TP63: variants seen among roughly 807,000 people sequenced by gnomAD.
The protein encoded by TP63 is tumor protein p63.
Under a neutral mutation model 82.8 loss-of-function variants are expected in TP63, and 17 were observed. The observed-to-expected ratio is 0.21, with a 90% confidence interval of 0.14 to 0.31. The LOEUF is 0.31. TP63 is among the 10% of genes least tolerant of loss of function. The pLI is 1.00. For synonymous variants in TP63, 330 were observed against 321.7 expected (o/e 1.03, Z -0.28); for missense variants, 648 against 895.3 (o/e 0.72, Z 3.52).
intron 1 of TP63, among the ~76,000 whole-genome samples, chr3:189,642,938 C>T (rs1272789953): frequency 6.6e-6 from 1 of 151,792 alleles, no homozygotes; most frequent in Non-Finnish European, 1.5e-5. Context: ...AATATATTTC[C>T]AAGTATCACT....
rs2108872844 is a variant in TP63 at position 189,894,202 on chromosome 3, A to T, written c.1747-4A>T. 6.2e-7 allele frequency: 1 copy of T among 1,614,042 alleles called. No homozygotes were observed. Among genetic ancestry groups the T allele is most frequent in the Non-Finnish European group, 8.5e-7 (1 of 1,179,990 alleles). Reference sequence around the variant, plus strand: ...TCTCCATGACACCTTCCCCTGTTGCACAGGATCTGGCAAGTCTGAAAATCC... The same window carrying T: ...TCTCCATGACACCTTCCCCTGTTGCTCAGGATCTGGCAAGTCTGAAAATCC... On this transcript the variant is annotated splice_region_variant and splice_polypyrimidine_tract_variant and intron_variant, in intron 13 of 13. Coordinates refer to ENST00000264731, the MANE Select transcript of TP63 (RefSeq NM_003722.5).
At chr3:189,875,611 T>TATATATATATATACACACAC (rs1553859673) in intron 10 of TP63, among the ~76,000 whole-genome samples, 21 of 77,040 alleles carry the variant, frequency 2.7e-4, no homozygotes, top group Non-Finnish European at 4.7e-4. Flanking sequence ...TATATATATA[T>TATATATATATATACACACAC]ATATATATAT....
chr3:189,786,472 CACACACACACGCAT>C (rs1724610291), intron 3 of TP63, among the ~76,000 whole-genome samples: 1 of 151,682 alleles, frequency 6.6e-6, no homozygotes, highest in Non-Finnish European at 1.5e-5. Context: ...CACACACACA[CACACACACACGCAT>C]GCACAAATAC....
At chr3:189,740,505 T>G (rs1720902944) in intron 3 of TP63, among the ~76,000 whole-genome samples, 1 of 152,038 alleles carries the variant, frequency 6.6e-6, no homozygotes, top group Admixed American at 6.5e-5. Flanking sequence ...GTTTTTTGAT[T>G]TTTGTTTTTT....
intron 1 of TP63, among the ~76,000 whole-genome samples, chr3:189,632,494 G>A (rs1433391411): frequency 6.6e-6 from 1 of 152,084 alleles, no homozygotes; most frequent in Non-Finnish European, 1.5e-5. Context: ...TTCCTTTAAC[G>A]TGATTTGCTA....
At chr3:189,615,664 TCC>T in the TP63 span, among the ~76,000 whole-genome samples, 1 of 152,168 alleles carries the variant, frequency 6.6e-6, no homozygotes, top group Non-Finnish European at 1.5e-5. Context: ...ATCTCCCCAT[TCC>T]TTTTATTCTA....
At chr3:189,728,283 G>A (rs1459431836) in intron 1 of TP63, among the ~76,000 whole-genome samples, 1 of 152,122 alleles carries the variant, frequency 6.6e-6, no homozygotes, top group Non-Finnish European at 1.5e-5. Context: ...TTTTTTAAGT[G>A]TCAGTATCTT....
intron 4 of TP63, among the ~76,000 whole-genome samples, chr3:189,810,751 G>A (rs1057493253): frequency 6.6e-6 from 1 of 151,234 alleles, no homozygotes; most frequent in Admixed American, 6.6e-5. Context: ...AGCTACTGGG[G>A]AGACTGAGAA....
intron 1 of TP63, among the ~76,000 whole-genome samples, chr3:189,642,226 T>C (rs536816154): frequency 6.6e-6 from 1 of 152,188 alleles, no homozygotes; most frequent in African/African-American, 2.4e-5. Context: ...AACTAGGACT[T>C]CCGTATTAAC....
At chr3:189,791,086 A>C (rs1725091045) in intron 3 of TP63, among the ~76,000 whole-genome samples, 1 of 152,150 alleles carries the variant, frequency 6.6e-6, no homozygotes, top group Non-Finnish European at 1.5e-5. Flanking sequence ...AGTTAGCTTA[A>C]AATGTTACCA....
chr3:189,770,275 A>T (rs1576915403), intron 3 of TP63, among the ~76,000 whole-genome samples: 1 of 152,192 alleles, frequency 6.6e-6, no homozygotes, highest in South Asian at 2.1e-4. Context: ...GAATGTGTAA[A>T]TATTAAATTA....
chr3:189,834,731 CAG>C (rs113013507), intron 4 of TP63, among the ~76,000 whole-genome samples: 7,001 of 152,230 alleles, frequency 0.046, 195 homozygotes, highest in Non-Finnish European at 0.062. Flanking sequence ...GTGCTCTAGA[CAG>C]AGCAAGCACA....
At chr3:189,828,316 G>A (rs1373547197) in intron 4 of TP63, among the ~76,000 whole-genome samples, 8 of 151,874 alleles carry the variant, frequency 5.3e-5, no homozygotes, top group Admixed American at 2.0e-4. Context: ...GGTGAGTGTG[G>A]GGTTTGGGGT....
intron 3 of TP63, among the ~76,000 whole-genome samples, chr3:189,769,197 A>G (rs1723161204): frequency 1.3e-5 from 2 of 152,168 alleles, no homozygotes; most frequent in Admixed American, 1.3e-4. Flanking sequence ...CTGTTTATGC[A>G]TATATGTATT....
At chr3:189,713,453 G>A (rs1175567605) in intron 1 of TP63, among the ~76,000 whole-genome samples, 1 of 152,072 alleles carries the variant, frequency 6.6e-6, no homozygotes, top group Non-Finnish European at 1.5e-5. Context: ...CTTTTCATTT[G>A]AAACGAGTTC....
chr3:189,860,124 C>T (rs1478525873), intron 4 of TP63, among the ~76,000 whole-genome samples: 1 of 151,842 alleles, frequency 6.6e-6, no homozygotes, highest in African/African-American at 2.4e-5. Flanking sequence ...AAAAGTATAC[C>T]ACATAAAACA....
At chr3:189,879,058 C>G (rs1719609514) in intron 10 of TP63, among the ~76,000 whole-genome samples, 1 of 152,168 alleles carries the variant, frequency 6.6e-6, no homozygotes, top group African/African-American at 2.4e-5. Context: ...TGTAACTTCT[C>G]TCACCTCATT....
chr3:189,814,888 T>C (rs1275491793), intron 4 of TP63, among the ~76,000 whole-genome samples: 1 of 152,210 alleles, frequency 6.6e-6, no homozygotes. Flanking sequence ...CACTGCACCG[T>C]GGAGTGTCTA....
At chr3:189,684,787 A>C (rs2378512) in intron 1 of TP63, among the ~76,000 whole-genome samples, 150,360 of 152,058 alleles carry the variant, frequency 0.99, 74,363 homozygotes, top group Middle Eastern at 1. Context: ...TACGTTACCA[A>C]GCCCAGCTAA....
Sources: gnomAD v4.1 joint callset for allele counts (sites outside exome capture counted in the v4.1 genomes callset) on GRCh38, gnomAD v4.1.1 for gene constraint, MANE v1.5 for transcripts, NCBI Gene and HGNC (gene_info 2026-07-23, HGNC 2026-07-21) for gene names.